RUBCNL: variants seen among roughly 807,000 people sequenced by gnomAD.
RUBCNL encodes the protein rubicon like autophagy enhancer, also known as protein associated with UVRAG as autophagy enhancer.
Under a neutral mutation model 69.5 loss-of-function variants are expected in RUBCNL, and 62 were observed. The ratio of observed to expected loss-of-function variants is 0.89; its 90% CI spans 0.73 to 1.10. RUBCNL has a LOEUF of 1.10. Among genes scored for constraint, RUBCNL ranks in the 50% least tolerant of loss-of-function variants. The probability of loss-of-function intolerance (pLI) is 0.00; values close to 1 mark genes in which losing one functional copy is unlikely to be tolerated. For missense variants in RUBCNL, 768 were observed against 798.1 expected (o/e 0.96, Z 0.45); for synonymous variants, 291 against 303.6 (o/e 0.96, Z 0.43).
upstream of RUBCNL, among the ~76,000 whole-genome samples, chr13:46,388,228 GAGA>G (rs942002707): frequency 1.0e-4 from 14 of 136,022 alleles, no homozygotes; most frequent in African/African-American, 3.5e-4. Flanking sequence ...AAACAGAAAG[GAGA>G]AGAAGGGAAG....
chr13:46,346,673 C>T (rs2048252903), intron 12 of RUBCNL, among the ~76,000 whole-genome samples: 1 of 152,132 alleles, frequency 6.6e-6, no homozygotes, highest in Admixed American at 6.6e-5. Flanking sequence ...GAAGCAAAGG[C>T]TCAAAACCAA....
chr13:46,349,155 T>C, intron 12 of RUBCNL, 131 bp downstream of exon 12: 1 of 714,484 alleles, frequency 1.4e-6, no homozygotes, highest in Non-Finnish European at 2.4e-6. Context: ...TGGCATGATT[T>C]CCCAAGGAAA....
chr13:46,384,461 TTACTC>T (rs2049191397), intron 1 of RUBCNL, among the ~76,000 whole-genome samples: 1 of 152,218 alleles, frequency 6.6e-6, no homozygotes, highest in Non-Finnish European at 1.5e-5. Context: ...ATAATTGTAC[TTACTC>T]TACAGTTTTC....
intron 14 of RUBCNL, among the ~76,000 whole-genome samples, chr13:46,343,832 T>C (rs2048186245): frequency 6.6e-6 from 1 of 152,158 alleles, no homozygotes; most frequent in African/African-American, 2.4e-5. Flanking sequence ...ACATTGTTTC[T>C]CTAGATATGG....
In RUBCNL at chr13:46,334,849, A is replaced by G. The variant is rs1654619027; in HGVS notation, c.*8536T>C. Among the ~76,000 whole-genome samples the G allele has an allele frequency of 6.6e-6, 1 of 152,208 alleles. No individual in the cohort carries two copies. Among genetic ancestry groups the G allele is most frequent in the Non-Finnish European group, 1.5e-5 (1 of 68,032 alleles). ...TTAAGAAATTTGAGCAACTTATCAC[A>G]AATCACAGGACTAGAAGTGAAAGGA... On this transcript the variant is annotated 3_prime_UTR_variant, in exon 15 of 15. Coordinates refer to ENST00000429979, the MANE Select transcript of RUBCNL (RefSeq NM_025113.5).
At chr13:46,380,021 T>C (rs1168190896) in intron 1 of RUBCNL, among the ~76,000 whole-genome samples, 1 of 152,262 alleles carries the variant, frequency 6.6e-6, no homozygotes, top group African/African-American at 2.4e-5. Context: ...ATATACTCTA[T>C]ACTATGTTGT....
intron 10 of RUBCNL, chr13:46,354,822 A>G (rs1380715735): frequency 2.2e-6 from 1 of 456,762 alleles, no homozygotes; most frequent in Non-Finnish European, 4.4e-6. Flanking sequence ...GGGCAAGGCC[A>G]CTGTACAAAA....
At chr13:46,383,806 G>A (rs757319578) in intron 1 of RUBCNL, among the ~76,000 whole-genome samples, 4 of 152,168 alleles carry the variant, frequency 2.6e-5, no homozygotes, top group Non-Finnish European at 5.9e-5. Flanking sequence ...TATAATAGAC[G>A]ACACATGGAG....
rs1305195127 is a variant in RUBCNL, at chr13:46,342,434, A to G, written c.*951T>C. 2 of 152,236 alleles carry G rather than the reference A, an allele frequency of 1.3e-5. No homozygotes were observed. The highest frequency in any genetic ancestry group is 2.9e-5 in the Non-Finnish European group (2 of 68,038). 9.4% of individuals were successfully genotyped at this position (152,236 alleles called of 1,614,324 possible). On this transcript the variant is annotated 3_prime_UTR_variant, in exon 15 of 15. Transcript: ENST00000429979. ...GTGGGAGAAAGTATATAGAAAGTAG[A>G]AGAAAAAAGAATAGGCTCACATGTT...
chr13:46,377,815 TA>T (rs1294412915), intron 2 of RUBCNL, 74 bp downstream of exon 2: 1 of 815,168 alleles, frequency 1.2e-6, no homozygotes, highest in Non-Finnish European at 2.0e-6. Context: ...AGGCCCATAA[TA>T]GATTCACAAC....
upstream of RUBCNL, among the ~76,000 whole-genome samples, chr13:46,388,064 T>C (rs2138873057): frequency 6.6e-6 from 1 of 151,832 alleles, no homozygotes; most frequent in East Asian, 1.9e-4. Flanking sequence ...ATATAAAAAT[T>C]AGCCGAGCGT....
At position 46,372,209 on chromosome 13, in the gene RUBCNL, G is replaced by A; in HGVS notation, c.267C>T (p.Gly89=). Residue 89 remains glycine (G), a synonymous_variant, in exon 3 of 15, where the codon GGC becomes GGT. Coordinates refer to ENST00000429979, the MANE Select transcript of RUBCNL (RefSeq NM_025113.5). ...AGTCCCCGAGGCACGAAGGTGAAGG[G>A]CCTGAGGGAGAGGCAGCATCTGTCA... ...HFVTDAASPS[G]PSPSCLGDSL... is the part of the protein sequence containing the mutation. 1 of 1,614,032 alleles carries A rather than the reference G, an allele frequency of 6.2e-7. No homozygotes were observed. The highest frequency in any genetic ancestry group is 8.5e-7 in the Non-Finnish European group (1 of 1,179,886).
chr13:46,386,833 T>C (rs1425061904), intron 1 of RUBCNL, among the ~76,000 whole-genome samples: 1 of 152,040 alleles, frequency 6.6e-6, no homozygotes, highest in Non-Finnish European at 1.5e-5. Context: ...TGCGTAAAAG[T>C]GTCCTGAGGT....
Position 46,364,372 on chromosome 13 carries a change from A to G in RUBCNL, c.827-1159T>C, listed in dbSNP as rs1005133672. ...AAACCACACCATTGCACTCCAGCCT[A>G]GGCAACACAGACAGACTCCATCTCA... is the stretch of plus-strand genomic sequence containing the variant. On this transcript the variant is annotated intron_variant, in intron 5 of 14. Coordinates refer to ENST00000429979, the MANE Select transcript of RUBCNL (RefSeq NM_025113.5). Among the ~76,000 whole-genome samples, 3 of 151,436 alleles carry G rather than the reference A, an allele frequency of 2.0e-5. No homozygotes were observed. In the South Asian group the frequency reaches 6.2e-4, roughly 31 times the overall value.
At chr13:46,385,359 A>T in intron 1 of RUBCNL, 1 of 586,110 alleles carries the variant, frequency 1.7e-6, no homozygotes, top group Non-Finnish European at 2.1e-6. Flanking sequence ...GATACACAAT[A>T]TGACTAACAG....
At chr13:46,347,397 ACT>A (rs2048269553) in intron 12 of RUBCNL, among the ~76,000 whole-genome samples, 1 of 152,208 alleles carries the variant, frequency 6.6e-6, no homozygotes, top group East Asian at 1.9e-4. Context: ...ACAGAGCTAG[ACT>A]CTGTCTTAAA....
intron 2 of RUBCNL, among the ~76,000 whole-genome samples, chr13:46,376,126 T>TGTTATCAGTAAGGCTGCA (rs1386998451): frequency 6.6e-6 from 1 of 152,224 alleles, no homozygotes; most frequent in Non-Finnish European, 1.5e-5. Flanking sequence ...CAACTGTTTA[T>TGTTATCAGTAAGGCTGCA]GTTATCAGTA....
upstream of RUBCNL, among the ~76,000 whole-genome samples, chr13:46,389,254 A>G (rs139319861): frequency 0.01 from 1,548 of 152,334 alleles, 27 homozygotes; most frequent in African/African-American, 0.028. This position sits in a 1 kb window ranked among gnomAD's most constrained non-coding sequence, Gnocchi z 4.2. Context: ...CACAGAGCTA[A>G]TAGGTAGCAC....
chr13:46,380,389 G>T (rs1363598518), intron 1 of RUBCNL, among the ~76,000 whole-genome samples: 1 of 152,198 alleles, frequency 6.6e-6, no homozygotes, highest in Admixed American at 6.5e-5. Context: ...AACTGAAATG[G>T]AGACCATTAG....
Sources: allele counts gnomAD v4.1 joint callset (sites outside exome capture counted in the v4.1 genomes callset), GRCh38; gene constraint gnomAD v4.1.1; non-coding constraint Gnocchi (gnomAD v3.1); transcripts MANE v1.5; gene names NCBI Gene and HGNC (gene_info 2026-07-23, HGNC 2026-07-21).